MTCL1: variants seen among roughly 807,000 people sequenced by gnomAD.
The protein encoded by MTCL1 is microtubule cross-linking factor 1.
Under a neutral mutation model 141.4 loss-of-function variants are expected in MTCL1, and 79 were observed. The observed-to-expected ratio is 0.56, with a 90% CI of 0.47 to 0.67. The LOEUF (loss-of-function observed/expected upper bound fraction) is 0.67, where lower values mean the gene tolerates loss of function less well. Ranked by LOEUF, MTCL1 falls within the 30% of genes least tolerant of loss-of-function variation. The pLI, the probability that MTCL1 is intolerant of heterozygous loss-of-function variation, is 0.00. For synonymous variants in MTCL1, 914 were observed against 875.8 expected, an observed-to-expected ratio of 1.04 and a Z score of -0.77; for missense variants, 2,177 against 2,113.9, an observed-to-expected ratio of 1.03 and a Z score of -0.59.
intron 4 of MTCL1, among the ~76,000 whole-genome samples, chr18:8,774,184 C>CT (rs2096495835): frequency 6.6e-6 from 1 of 152,044 alleles, no homozygotes; most frequent in Non-Finnish European, 1.5e-5. Context: ...AACTTCTGTT[C>CT]TTGATGAGTT....
At chr18:8,721,278 C>T (rs1279600177) in intron 4 of MTCL1, among the ~76,000 whole-genome samples, 2 of 152,184 alleles carry the variant, frequency 1.3e-5, no homozygotes, top group Non-Finnish European at 1.5e-5. Context: ...CTTAGCGGCT[C>T]ATTTTTCCTT....
chr18:8,741,874 C>T (rs748151691), intron 4 of MTCL1, among the ~76,000 whole-genome samples: 2 of 152,132 alleles, frequency 1.3e-5, no homozygotes, highest in Admixed American at 6.5e-5. Context: ...AGTGTGGCTC[C>T]GCCGCAGGGT....
At chr18:8,757,248 C>CT (rs2096406624) in intron 4 of MTCL1, among the ~76,000 whole-genome samples, 1 of 152,162 alleles carries the variant, frequency 6.6e-6, no homozygotes, top group Non-Finnish European at 1.5e-5. Flanking sequence ...TCACAGCCAT[C>CT]TATAATGCTT....
intron 7 of MTCL1, among the ~76,000 whole-genome samples, chr18:8,789,033 C>A (rs1157520115): frequency 2.6e-5 from 4 of 152,140 alleles, no homozygotes; most frequent in Admixed American, 2.6e-4. Context: ...TAAAAATAGT[C>A]CTGAATGAGA....
chr18:8,710,457 C>CTTT (rs59830434), intron 1 of MTCL1, among the ~76,000 whole-genome samples: 300 of 121,626 alleles, frequency 2.5e-3, no homozygotes, highest in African/African-American at 6.1e-3. Flanking sequence ...CAGGCACTTT[C>CTTT]TTTTTTTTTT....
At chr18:8,795,923 A>G (rs970469266) in intron 8 of MTCL1, among the ~76,000 whole-genome samples, 5 of 152,200 alleles carry the variant, frequency 3.3e-5, no homozygotes, top group Admixed American at 6.5e-5. Context: ...GGTAAGCCGC[A>G]CTTCCAAGAC....
chr18:8,825,626 T>G, exon 15 of MTCL1: 1 of 1,613,872 alleles, frequency 6.2e-7, no homozygotes, highest in Non-Finnish European at 8.5e-7. Context: ...AGGTGGCCCC[T>G]GCCATCGAGA....
At chr18:8,784,318 C>A (rs551546731) in exon 6 of MTCL1, 40 of 1,559,650 alleles carry the variant, frequency 2.6e-5, no homozygotes, top group Non-Finnish European at 3.3e-5. Context: ...AGGAGAGCCG[C>A]CTGCCCCAGC....
In MTCL1 at chr18:8,806,879, CAG is replaced by C. The variant is rs1397682006; in HGVS notation, c.2437-13_2437-12del. On this transcript the variant is annotated splice_polypyrimidine_tract_variant and intron_variant, in intron 10 of 16. Transcript: ENST00000359865. ...TTAAAGGAGGTGGTGGAGCCTGACT[CAG>C]TGTTCCCGCAGGTGGTGGAAAACCA... 6.2e-7 allele frequency: 1 copy of C among 1,611,024 alleles called. No individual in the cohort carries two copies. The highest frequency in any genetic ancestry group is 1.1e-5 in the South Asian group (1 of 91,008).
intron 1 of MTCL1, among the ~76,000 whole-genome samples, chr18:8,711,270 T>C (rs2096090531): frequency 1.4e-5 from 2 of 144,322 alleles, no homozygotes; most frequent in African/African-American, 5.3e-5. Context: ...GTGCCACATT[T>C]TCTTAATCCA....
At chr18:8,807,166 TC>T in intron 11 of MTCL1, 106 bp downstream of exon 10, 1 of 1,227,148 alleles carries the variant, frequency 8.1e-7, no homozygotes, top group Non-Finnish European at 1.1e-6. Context: ...GGGCTTCTTG[TC>T]CAGGAAAAAA....
chr18:8,797,608 A>T (rs928054262), intron 9 of MTCL1, among the ~76,000 whole-genome samples: 1 of 152,144 alleles, frequency 6.6e-6, no homozygotes, highest in South Asian at 2.1e-4. Flanking sequence ...TCTGGTTTTC[A>T]CTCTAGGGAA....
At chr18:8,737,699 C>T (rs1371433798) in intron 4 of MTCL1, among the ~76,000 whole-genome samples, 1 of 152,190 alleles carries the variant, frequency 6.6e-6, no homozygotes, top group Non-Finnish European at 1.5e-5. Flanking sequence ...GCACTGGGTT[C>T]GAGTCCCATG....
At chr18:8,771,542 AT>A (rs1466793321) in intron 4 of MTCL1, among the ~76,000 whole-genome samples, 2 of 152,142 alleles carry the variant, frequency 1.3e-5, no homozygotes, top group Non-Finnish European at 2.9e-5. Flanking sequence ...ACCAATCTAA[AT>A]TTTTTAAAAA....
rs1364045381 is a variant in MTCL1, at chr18:8,815,907, T to C, written c.2859+2674T>C. On this transcript the variant is annotated intron_variant, in intron 12 of 16. Coordinates refer to ENST00000359865, the Ensembl canonical transcript of MTCL1. ...GATGGATCCCACAGTCTTTGTACAA[T>C]GATGTCATTGCTGTTTTTAGAAGAG... is the stretch of plus-strand genomic sequence containing the variant. Among the ~76,000 whole-genome samples, 6 of 152,194 alleles carry C rather than the reference T, an allele frequency of 3.9e-5. No individual in the cohort carries two copies. The East Asian group carries it at 1.2e-3, about 29-fold the overall frequency.
At chr18:8,799,770 C>T (rs1286185795) in intron 10 of MTCL1, among the ~76,000 whole-genome samples, 1 of 152,302 alleles carries the variant, frequency 6.6e-6, no homozygotes, top group African/African-American at 2.4e-5. Context: ...GAGAAAACCT[C>T]GCACATCTGG....
chr18:8,713,878 G>T (rs781146463), upstream of MTCL1, among the ~76,000 whole-genome samples: 119 of 152,318 alleles, frequency 7.8e-4, no homozygotes, highest in Non-Finnish European at 1.4e-3. Flanking sequence ...AGGAGCTCAA[G>T]GTGGCAGTGA....
rs1348556106 is a variant in MTCL1, at chr18:8,828,352, A to G, written c.4723-556A>G. Among the ~76,000 whole-genome samples the G allele has an allele frequency of 6.6e-6, 1 of 152,122 alleles. No individual in the cohort carries two copies. Among genetic ancestry groups the G allele is most frequent in the African/African-American group, 2.4e-5 (1 of 41,436 alleles). Reference sequence around the variant, plus strand: ...CCTCTTTTTCTCTTGACACCATGGCACTAGTTCAGCAGTGCAGAGAGAAGC... The same window carrying G: ...CCTCTTTTTCTCTTGACACCATGGCGCTAGTTCAGCAGTGCAGAGAGAAGC... On this transcript the variant is annotated intron_variant, in intron 15 of 16. Transcript: ENST00000359865. This position sits in a 1 kb window ranked among gnomAD's most constrained non-coding sequence, Gnocchi z 5.2.
At chr18:8,734,897 G>T (rs2096268315) in intron 4 of MTCL1, among the ~76,000 whole-genome samples, 2 of 152,206 alleles carry the variant, frequency 1.3e-5, no homozygotes, top group South Asian at 4.1e-4. Context: ...CAGTGTGCCT[G>T]CAGCATCTCC....
Sources: gnomAD v4.1 joint callset for allele counts (sites outside exome capture counted in the v4.1 genomes callset) on GRCh38, gnomAD v4.1.1 for gene constraint, Gnocchi (gnomAD v3.1) non-coding constraint, MANE v1.5 for transcripts, NCBI Gene and HGNC (gene_info 2026-07-23, HGNC 2026-07-21) for gene names.